The following MPHOSPH9 variants were observed in gnomAD, a reference collection of about 807,000 sequenced individuals.
MPHOSPH9 encodes M-phase phosphoprotein 9.
In MPHOSPH9, 88 loss-of-function variants were observed where a neutral mutation model predicts 145.5. That is an observed-to-expected ratio of 0.60 (90% CI 0.51 to 0.72). The LOEUF (loss-of-function observed/expected upper bound fraction) is 0.72, where lower values mean the gene tolerates loss of function less well. Ranked by LOEUF, MPHOSPH9 falls within the 30% of genes least tolerant of loss-of-function variation. The probability of loss-of-function intolerance (pLI) is 0.00; values close to 1 mark genes in which losing one functional copy is unlikely to be tolerated. For missense variants in MPHOSPH9, 1,238 were observed against 1,386.6 expected, an observed-to-expected ratio of 0.89 and a Z score of 1.70; for synonymous variants, 435 against 486.2, an observed-to-expected ratio of 0.89 and a Z score of 1.39.
intron 3 of MPHOSPH9, among the ~76,000 whole-genome samples, chr12:123,223,548 C>T (rs961553835): frequency 3.3e-5 from 5 of 152,154 alleles, no homozygotes; most frequent in African/African-American, 1.2e-4. Context: ...ATCCTCTGTT[C>T]GTGAGCATGC....
chr12:123,204,849 C>T (rs1008214959), intron 8 of MPHOSPH9, among the ~76,000 whole-genome samples: 3 of 152,086 alleles, frequency 2.0e-5, no homozygotes, highest in African/African-American at 7.2e-5. Context: ...TACTCCTTCA[C>T]TCTAGCCTGG....
chr12:123,199,026 G>C (rs1466923082), intron 11 of MPHOSPH9, among the ~76,000 whole-genome samples: 1 of 151,000 alleles, frequency 6.6e-6, no homozygotes, highest in Non-Finnish European at 1.5e-5. Flanking sequence ...CTTTTTTTGA[G>C]ACAGGATCTC....
chr12:123,179,294 G>T lies in MPHOSPH9; in HGVS notation c.2354+632C>A, dbSNP rs192043846. On this transcript the variant is annotated intron_variant, in intron 15 of 23. Coordinates refer to ENST00000606320, the MANE Select transcript of MPHOSPH9 (RefSeq NM_022782.4). ...AAGTTTTTAAAAATCAGCCAGGCTT[G>T]CCGGGCTCCGTGGCTTATGCCTGAA... Among the ~76,000 whole-genome samples, 270 of 152,248 alleles carry T rather than the reference G, an allele frequency of 1.8e-3. 1 individual carries two copies. The highest frequency in any genetic ancestry group is 6.4e-3 in the African/African-American group (266 of 41,564).
In MPHOSPH9 at chr12:123,163,093, T is replaced by C. The variant is rs757246769; in HGVS notation, c.2950A>G (p.Ser984Gly). The C allele has an allele frequency of 1.3e-6, 2 of 1,591,994 alleles. No homozygotes were observed. The highest frequency in any genetic ancestry group is 1.7e-6 in the Non-Finnish European group (2 of 1,173,544). ...IMLTPVTVAY[S>G]PKRSPKENLS... ...TTTTCTTTAGGGGATCGCTTTGGAC[T>C]ATAAGCCACAGTCACTGGTGTTAGC... The change falls in exon 20 of 24, where the codon AGT becomes GGT. Residue 984 changes from serine (S) to glycine (G), a missense_variant. Physicochemically the swap from Ser to Gly is moderately conservative, Grantham distance 56. Coordinates refer to ENST00000606320, the MANE Select transcript of MPHOSPH9 (RefSeq NM_022782.4).
chr12:123,198,219 G>C, intron 12 of MPHOSPH9, 28 bp downstream of exon 12: 1 of 1,518,812 alleles, frequency 6.6e-7, no homozygotes, highest in Non-Finnish European at 9.1e-7. Context: ...TGTCTCACCA[G>C]AACACCCACC....
intron 6 of MPHOSPH9, among the ~76,000 whole-genome samples, chr12:123,215,963 C>T (rs932931294): frequency 2.0e-5 from 3 of 152,166 alleles, no homozygotes; most frequent in Non-Finnish European, 2.9e-5. Flanking sequence ...GAAGGCCGGG[C>T]GCGGTGGCTC....
intron 1 of MPHOSPH9, among the ~76,000 whole-genome samples, chr12:123,232,353 T>C (rs1593260860): frequency 6.6e-6 from 1 of 151,972 alleles, no homozygotes; most frequent in South Asian, 2.1e-4. Context: ...GAAAAATCCT[T>C]AAACACCCAC....
chr12:123,152,406 G>A (rs1041223224), downstream of MPHOSPH9: 28 of 351,152 alleles, frequency 8.0e-5, no homozygotes, highest in African/African-American at 6.0e-4. Context: ...ACAGCTTCAC[G>A]ACTCCAGCAT....
chr12:123,180,821 C>T (rs2045097995), intron 14 of MPHOSPH9, among the ~76,000 whole-genome samples: 2 of 151,718 alleles, frequency 1.3e-5, no homozygotes, highest in African/African-American at 2.4e-5. Context: ...TGTGGTGAGC[C>T]GAGATCACAC....
Position 123,227,478 on chromosome 12 carries a change from A to C in MPHOSPH9, c.243T>G (p.Leu81=). The C allele has an allele frequency of 6.7e-7, 1 of 1,490,728 alleles. No individual in the cohort carries two copies. The highest frequency in any genetic ancestry group is 8.9e-7 in the Non-Finnish European group (1 of 1,125,052). 92.3% of individuals were successfully genotyped at this position (1,490,728 alleles called of 1,614,324 possible). A position where few individuals can be genotyped will look rare whatever the true frequency, so the allele number is the denominator to read the frequency against. Residue 81 remains leucine (L), a synonymous_variant, in exon 3 of 24, where the codon CTT becomes CTG. Transcript: ENST00000606320. ...AATTAGATACCTCACAGTTTTTCCAAAGTTCCGAATCAGTCTTTCCACTGT... is the reference window on the plus strand; with the variant it reads ...AATTAGATACCTCACAGTTTTTCCACAGTTCCGAATCAGTCTTTCCACTGT... The part of the protein sequence containing the change: ...LQNSGKTDSE[L]WKNCETRWLQ...
At chr12:123,167,877 C>A (rs2044382716) in intron 16 of MPHOSPH9, among the ~76,000 whole-genome samples, 1 of 152,144 alleles carries the variant, frequency 6.6e-6, no homozygotes, top group Non-Finnish European at 1.5e-5. Flanking sequence ...TATGCCTGTT[C>A]TCACACTAGG....
At position 123,194,605 on chromosome 12, in the gene MPHOSPH9, T is replaced by C. The variant is rs753006613; in HGVS notation, c.2026-4A>G. ...TGAAGCGTTCTCTCAAATCATTCTATAAAACAAAGACAAACATAATTTTTT... is the reference window on the plus strand; with the variant it reads ...TGAAGCGTTCTCTCAAATCATTCTACAAAACAAAGACAAACATAATTTTTT... On this transcript the variant is annotated splice_polypyrimidine_tract_variant and splice_region_variant and intron_variant, in intron 12 of 23. Transcript: ENST00000606320. The C allele has an allele frequency of 2.6e-6, 4 of 1,541,850 alleles. No individual in the cohort carries two copies. The East Asian group carries it at 9.1e-5, about 35-fold the overall frequency.
chr12:123,208,771 T>G (rs914037131), intron 8 of MPHOSPH9, among the ~76,000 whole-genome samples: 4 of 151,954 alleles, frequency 2.6e-5, no homozygotes, highest in African/African-American at 9.7e-5. Context: ...AGACAGGGTC[T>G]CACTCTGTCA....
At chr12:123,234,086 G>A (rs2138729097), upstream of MPHOSPH9, among the ~76,000 whole-genome samples, 1 of 152,244 alleles carries the variant, frequency 6.6e-6, no homozygotes, top group Admixed American at 6.5e-5. Flanking sequence ...ACAGGCGCAA[G>A]CCACCCAGCC....
downstream of MPHOSPH9, chr12:123,152,413 G>T (rs2043793596): frequency 2.8e-5 from 10 of 357,690 alleles, no homozygotes; most frequent in South Asian, 2.1e-4. Context: ...CACGACTCCA[G>T]CATCTGGCTA....
rs921561512 is a variant in MPHOSPH9 at position 123,159,876 on chromosome 12, T to A, written c.3450+905A>T. 5.9e-5 allele frequency: 9 copies of A among 152,180 alleles called. No individual in the cohort carries two copies. Among genetic ancestry groups the A allele is most frequent in the Non-Finnish European group, 1.0e-4 (7 of 68,026 alleles). 9.4% of individuals were successfully genotyped at this position (152,180 alleles called of 1,614,324 possible). A position where few individuals can be genotyped will look rare whatever the true frequency, so the allele number is the denominator to read the frequency against. On this transcript the variant is annotated intron_variant, in intron 23 of 23. Transcript: ENST00000606320. The surrounding 1 kb of genome is among the most constrained non-coding windows in gnomAD (Gnocchi z 4.3). ...AAGTTCAATTGAAAGTTTATTTTTT[T>A]TTTTTTTTAAGACTGAGTCTTGCTC...
At position 123,221,472 on chromosome 12, in the gene MPHOSPH9, C is replaced by A; in HGVS notation, c.772G>T (p.Val258Leu). ...ATGGATACATCTTCCTTTAAAGACA[C>A]ATGACACTCTTCAGGAGTCTGTATA... ...FYIQTPEECH[V>L]SLKEDVSISP... Residue 258 changes from valine (V) to leucine (L), a missense_variant, in exon 5 of 24, where the codon GTG (valine) becomes TTG (leucine). Physicochemically the swap from Val to Leu is conservative, Grantham distance 32. Coordinates refer to ENST00000606320, the MANE Select transcript of MPHOSPH9 (RefSeq NM_022782.4). 1 of 1,613,908 alleles carries A rather than the reference C, an allele frequency of 6.2e-7. No individual in the cohort carries two copies. The highest frequency in any genetic ancestry group is 8.5e-7 in the Non-Finnish European group (1 of 1,179,824).
At chr12:123,187,427 A>G (rs929949306) in intron 13 of MPHOSPH9, among the ~76,000 whole-genome samples, 1 of 146,058 alleles carries the variant, frequency 6.8e-6, no homozygotes, top group Non-Finnish European at 1.6e-5. Context: ...GGAAGAATCA[A>G]TATTTCAAGT....
chr12:123,229,416 G>A (rs1007771406), intron 2 of MPHOSPH9, among the ~76,000 whole-genome samples: 8 of 152,104 alleles, frequency 5.3e-5, no homozygotes, highest in Non-Finnish European at 1.0e-4. Flanking sequence ...CCAATCACAG[G>A]ATAGCTTAAA....
Sources: gnomAD v4.1 joint callset for allele counts (sites outside exome capture counted in the v4.1 genomes callset) on GRCh38, gnomAD v4.1.1 for gene constraint, Gnocchi (gnomAD v3.1) non-coding constraint, MANE v1.5 for transcripts, NCBI Gene and HGNC (gene_info 2026-07-23, HGNC 2026-07-21) for gene names.